Variants in FANCG observed in about 807,000 individuals in gnomAD.
FANCG encodes the protein Fanconi anemia group G protein.
FANCG carries 67 observed loss-of-function variants against 73.3 expected under a neutral mutation model. The observed-to-expected ratio is 0.91, with a 90% confidence interval of 0.75 to 1.12. The LOEUF is 1.12. Among genes scored for constraint, FANCG ranks in the 50% most tolerant of loss-of-function variants. The pLI is 0.00. For synonymous variants in FANCG, 297 were observed against 311.6 expected (o/e 0.95, Z 0.49); for missense variants, 643 against 735.6 (o/e 0.87, Z 1.46).
rs1250765373 is a variant in FANCG, at chr9:35,079,648, TTCTCTCGGGG to T, written c.-134_-125del. 5 of 935,760 alleles carry T rather than the reference TTCTCTCGGGG, an allele frequency of 5.3e-6. No individual in the cohort carries two copies. In the African/African-American group the frequency reaches 8.1e-5, roughly 15 times the overall value. The allele number at this position is 935,760 out of a possible 1,614,324, so 58.0% of individuals were successfully genotyped here. ...TCTGCACCCCGCCGAGCTCCCCTGC[TTCTCTCGGGG>T]TCCCAATCCACCCGCCCAGGCTTTC... On this transcript the variant is annotated 5_prime_UTR_variant, in exon 1 of 14. Transcript: ENST00000378643.
At chr9:35,076,630 A>G (rs1032767148) in intron 7 of FANCG, 47 bp from the exon 8 acceptor site, 1 of 1,613,946 alleles carries the variant, frequency 6.2e-7, no homozygotes, top group Non-Finnish European at 8.5e-7. Context: ...TGGGAGCCAT[A>G]CTTCCTTATA....
intron 12 of FANCG, 157 bp from the exon 13 acceptor site, chr9:35,074,651 T>G (rs919739029): frequency 9.6e-7 from 1 of 1,037,750 alleles, no homozygotes; most frequent in African/African-American, 1.6e-5. Context: ...CCCATCCCAG[T>G]GTCCATCATC....
chr9:35,075,582 C>G lies in FANCG; in HGVS notation c.1316G>C (p.Arg439Thr). The G allele has an allele frequency of 6.2e-7, 1 of 1,614,138 alleles. No homozygotes were observed. The change falls in exon 10 of 14, where the codon AGA becomes ACA. Residue 439 changes from arginine to threonine, a missense_variant. Coordinates refer to ENST00000378643, the MANE Select transcript of FANCG (RefSeq NM_004629.2). ...GTATGGCAGTTCCTTGGTTCCTTTT[C>G]TGGCATCTTCCCACAGCCGGGACAT... ...PKMSRLWEDA[R>T]KGTKELPYCP...
Position 35,074,477 on chromosome 9 carries a change from AG to A in FANCG, c.1653del (p.His553ThrfsTer6), listed in dbSNP as rs1187674541. The A allele has an allele frequency of 6.2e-7, 1 of 1,614,092 alleles. No individual in the cohort carries two copies. ...VQMCPGNRDT[Y>X]FHLLQTLKRL... ...CTCTTCAGAGTCTGAAGCAGGTGAA[AG>A]TAAGTGTCTCGATTACCTGTAGCCC... On this transcript the variant is annotated frameshift_variant, in exon 13 of 14. Coordinates refer to ENST00000378643, the MANE Select transcript of FANCG (RefSeq NM_004629.2). LOFTEE classifies it high-confidence loss of function.
chr9:35,079,486 C>A lies in FANCG; in HGVS notation c.39G>T (p.Leu13=), dbSNP rs758976992. The A allele has an allele frequency of 6.2e-6, 10 of 1,614,170 alleles. No individual in the cohort carries two copies. In the East Asian group the frequency reaches 2.2e-4, roughly 36 times the overall value. The change falls in exon 1 of 14, where the codon CTG becomes CTT. Residue 13 remains leucine (L), a synonymous_variant. Transcript: ENST00000378643. The part of the protein sequence containing the change: ...RQTTSVGSSC[L]DLWREKNDRL... ...GGTCATTCTTTTCCCTCCACAGGTCCAGGCAGCTGGAGCCCACAGAGGTGG... is the reference window on the plus strand; with the variant it reads ...GGTCATTCTTTTCCCTCCACAGGTCAAGGCAGCTGGAGCCCACAGAGGTGG...
chr9:35,079,205 G>A lies in FANCG; in HGVS notation c.121C>T (p.Gln41Ter), dbSNP rs2131059848. 5 of 1,608,708 alleles carry A rather than the reference G, an allele frequency of 3.1e-6. No individual in the cohort carries two copies. Among genetic ancestry groups the A allele is most frequent in the Non-Finnish European group, 4.2e-6 (5 of 1,177,802 alleles). ...QNSGLTLRRQQLAQDALEGLR... is the reference protein window; with the variant it reads ...QNSGLTLRRQ ...CCTTCCAGTGCATCCTGAGCCAACT[G>A]CTGTCGCCTCAGAGTCAGACCGGAG... Residue 41 changes from glutamine to a stop codon, truncating the protein, a stop_gained, in exon 2 of 14, where the codon CAG (glutamine) becomes TAG (stop). Transcript: ENST00000378643. LOFTEE classifies it high-confidence loss of function.
rs201884798 is a variant in FANCG at position 35,075,306 on chromosome 9, G to A, written c.1453C>T (p.Arg485Trp). 92 of 1,614,028 alleles carry A rather than the reference G, an allele frequency of 5.7e-5. No individual in the cohort carries two copies. Among genetic ancestry groups the A allele is most frequent in the East Asian group, 8.9e-5 (4 of 44,904 alleles). The change falls in exon 11 of 14, where the codon CGG (arginine) becomes TGG (tryptophan). Residue 485 changes from arginine to tryptophan, a missense_variant. Coordinates refer to ENST00000378643, the MANE Select transcript of FANCG (RefSeq NM_004629.2). ...TGTTCTTTTTCCTCAGGTGTGGCCCGGAAGAGCAGCTCGAGGCACCTGAAG... is the reference window on the plus strand; with the variant it reads ...TGTTCTTTTTCCTCAGGTGTGGCCCAGAAGAGCAGCTCGAGGCACCTGAAG... ...EFSRCLELLF[R>W]ATPEEKEQGA...
Position 35,078,681 on chromosome 9 carries a change from G to A in FANCG, c.231C>T (p.Phe77=). 6.2e-7 allele frequency: 1 copy of A among 1,614,180 alleles called. No homozygotes were observed. The highest frequency in any genetic ancestry group is 8.5e-7 in the Non-Finnish European group (1 of 1,180,040). Residue 77 remains phenylalanine, a synonymous_variant, in exon 3 of 14, where the codon TTC becomes TTT. Coordinates refer to ENST00000378643, the MANE Select transcript of FANCG (RefSeq NM_004629.2). ...GGGCCAAGCTTGCCCTCAGGATAAT[G>A]AAGTTGCAGGTGACAGTCAGCTCCA... ...LPLELTVTCN[F]IILRASLAQG...
rs1013316658 is a variant in FANCG, at chr9:35,079,749, G to C, written c.-225C>G. The C allele has an allele frequency of 6.7e-6, 4 of 594,814 alleles. No individual in the cohort carries two copies. Among genetic ancestry groups the C allele is most frequent in the African/African-American group, 5.6e-5 (3 of 53,896 alleles). The allele number at this position is 594,814 out of a possible 1,614,324, so 36.8% of individuals were successfully genotyped here. A position where few individuals can be genotyped will look rare whatever the true frequency, so the allele number is the denominator to read the frequency against. On this transcript the variant is annotated 5_prime_UTR_variant, in exon 1 of 14. Transcript: ENST00000378643. ...TCTCAACCTCGCCTCTGGTTGGCCG[G>C]GTCTGCGAAGCTCTGGGCTGCGGTT...
rs1279732485 is a variant in FANCG at position 35,076,458 on chromosome 9, T to A, written c.1050A>T (p.Leu350=). 10 of 1,613,964 alleles carry A rather than the reference T, an allele frequency of 6.2e-6. No individual in the cohort carries two copies. In the Admixed American group the frequency reaches 1.7e-4, roughly 27 times the overall value. The part of the protein sequence containing the change: ...CGTQSQTKHI[L]ASRCLQTGRA... ...TCCCCGTCTGTAGGCACCTGCTTGCTAGTATGTGCTTGGTCTGGCTCTGAG... is the reference window on the plus strand; with the variant it reads ...TCCCCGTCTGTAGGCACCTGCTTGCAAGTATGTGCTTGGTCTGGCTCTGAG... Residue 350 remains leucine (L), a synonymous_variant, in exon 8 of 14, where the codon CTA becomes CTT. Transcript: ENST00000378643.
rs1829094719 is a variant in FANCG at position 35,076,883 on chromosome 9, G to A, written c.778-13C>T. 6.2e-7 allele frequency: 1 copy of A among 1,614,230 alleles called. No individual in the cohort carries two copies. The highest frequency in any genetic ancestry group is 8.5e-7 in the Non-Finnish European group (1 of 1,180,046). On this transcript the variant is annotated splice_polypyrimidine_tract_variant and intron_variant, in intron 6 of 13. Coordinates refer to ENST00000378643, the MANE Select transcript of FANCG (RefSeq NM_004629.2). ...TCTGTGGATTTCCCTAAAGGGATAG[G>A]AGGACACGGGCCTCAGCTACCCTTA...
Position 35,077,111 on chromosome 9 carries a change from G to C in FANCG, c.647-10C>G. On this transcript the variant is annotated splice_polypyrimidine_tract_variant and intron_variant, in intron 5 of 13. Transcript: ENST00000378643. ...ATCAGCTCCTGGAGACCTGAGGACA[G>C]TCAGGGTGTGAGCTTGGAGAGGGCT... 1 of 1,614,212 alleles carries C rather than the reference G, an allele frequency of 6.2e-7. No homozygotes were observed. Among genetic ancestry groups the C allele is most frequent in the Non-Finnish European group, 8.5e-7 (1 of 1,180,022 alleles).
In FANCG at chr9:35,075,701, C is replaced by A; in HGVS notation, c.1197G>T (p.Glu399Asp). ...CTGCCTGGATCAGTGCTACCGCTGC[C>A]TCCAAAAACACCTCAGGCATACAGG... ...PGPCMPEVFL[E>D]AAVALIQAGR... The change falls in exon 10 of 14, where the codon GAG (glutamate) becomes GAT (aspartate). Residue 399 changes from glutamate to aspartate, a missense_variant. By Grantham distance (45) the Glu-to-Asp change is conservative. Transcript: ENST00000378643. 1 of 1,605,826 alleles carries A rather than the reference C, an allele frequency of 6.2e-7. No homozygotes were observed. The highest frequency in any genetic ancestry group is 1.1e-5 in the South Asian group (1 of 90,912).
At chr9:35,078,888 C>G in intron 2 of FANCG, 152 bp from the exon 3 acceptor site, 1 of 1,197,234 alleles carries the variant, frequency 8.4e-7, no homozygotes, top group Non-Finnish European at 1.2e-6. Flanking sequence ...AAAAAGAACC[C>G]AACCTTTGGA....
In FANCG at chr9:35,076,421, G is replaced by A; in HGVS notation, c.1076+11C>T. ...GGGAAGAGAAGCTCAGGTGAGCAAGGGGAACCTCACCTCCCCGTCTGTAGG... is the reference window on the plus strand; with the variant it reads ...GGGAAGAGAAGCTCAGGTGAGCAAGAGGAACCTCACCTCCCCGTCTGTAGG... On this transcript the variant is annotated intron_variant, in intron 8 of 13. Coordinates refer to ENST00000378643, the MANE Select transcript of FANCG (RefSeq NM_004629.2). The A allele has an allele frequency of 6.2e-7, 1 of 1,613,602 alleles. No homozygotes were observed. The highest frequency in any genetic ancestry group is 1.7e-4 in the Middle Eastern group (1 of 5,720).
chr9:35,075,124 C>G (rs1203632079), intron 11 of FANCG, 42 bp from the exon 12 acceptor site: 10 of 1,612,764 alleles, frequency 6.2e-6, no homozygotes, highest in African/African-American at 1.3e-5. Context: ...TTCCCAGCCT[C>G]ACAGTCACCA....
In FANCG at chr9:35,076,428, T is replaced by C. The variant is rs1829084813; in HGVS notation, c.1076+4A>G. Reference sequence around the variant, plus strand: ...GAAGCTCAGGTGAGCAAGGGGAACCTCACCTCCCCGTCTGTAGGCACCTGC... The same window carrying C: ...GAAGCTCAGGTGAGCAAGGGGAACCCCACCTCCCCGTCTGTAGGCACCTGC... On this transcript the variant is annotated splice_donor_region_variant and intron_variant, in intron 8 of 13. Transcript: ENST00000378643. 1 of 1,613,742 alleles carries C rather than the reference T, an allele frequency of 6.2e-7. No homozygotes were observed. The highest frequency in any genetic ancestry group is 8.5e-7 in the Non-Finnish European group (1 of 1,179,982).
Position 35,075,286 on chromosome 9 carries a change from T to C in FANCG, c.1473A>G (p.Lys491=), listed in dbSNP as rs769921972. The change falls in exon 11 of 14, where the codon AAA becomes AAG. Residue 491 remains lysine, a synonymous_variant. Transcript: ENST00000378643. ...ACTGAAAGTTTAGATCACCTTGTTC[T>C]TTTTCCTCAGGTGTGGCCCGGAAGA... ...ELLFRATPEE[K]EQGAAFNCEQ... is the part of the protein sequence containing the mutation. 1.5e-5 allele frequency: 24 copies of C among 1,613,984 alleles called. No homozygotes were observed. The highest frequency in any genetic ancestry group is 1.9e-5 in the Non-Finnish European group (22 of 1,180,016).
In FANCG at chr9:35,076,987, G is replaced by A. The variant is rs376825957; in HGVS notation, c.761C>T (p.Ser254Phe). ...VLVQVYTALG[S>F]CHRKMGNPQR... Reference sequence around the variant, plus strand: ...TGTCTTTACCATCTTACGGTGACAGGACCCCAGTGCTGTGTACACCTGGAC... The same window carrying A: ...TGTCTTTACCATCTTACGGTGACAGAACCCCAGTGCTGTGTACACCTGGAC... The change falls in exon 6 of 14, where the codon TCC becomes TTC. Residue 254 changes from serine (S) to phenylalanine (F), a missense_variant. Physicochemically the swap from Ser to Phe is radical, Grantham distance 155. Coordinates refer to ENST00000378643, the MANE Select transcript of FANCG (RefSeq NM_004629.2). The A allele has an allele frequency of 1.9e-6, 3 of 1,614,088 alleles. No homozygotes were observed. The highest frequency in any genetic ancestry group is 2.5e-6 in the Non-Finnish European group (3 of 1,180,048).
Sources: gnomAD v4.1 joint callset for allele counts on GRCh38, gnomAD v4.1.1 for gene constraint, MANE v1.5 for transcripts, NCBI Gene and HGNC (gene_info 2026-07-23, HGNC 2026-07-21) for gene names.